The following ESRRG variants were observed in gnomAD, a reference collection of about 807,000 sequenced individuals.
ESRRG encodes the protein estrogen related receptor gamma, also known as estrogen-related receptor gamma.
ESRRG carries 13 observed loss-of-function variants against 44.0 expected under a neutral mutation model. The observed-to-expected ratio is 0.30, with a 90% CI of 0.19 to 0.47. The LOEUF (loss-of-function observed/expected upper bound fraction) is 0.47, where lower values mean the gene tolerates loss of function less well. Ranked by LOEUF, ESRRG falls within the 20% of genes least tolerant of loss-of-function variation. The pLI is 1.00. For synonymous variants in ESRRG, 215 were observed against 214.6 expected, an observed-to-expected ratio of 1.00 and a Z score of -0.02; for missense variants, 395 against 580.6, an observed-to-expected ratio of 0.68 and a Z score of 3.29.
At chr1:216,620,024 A>C (rs1256892337) in intron 3 of ESRRG, among the ~76,000 whole-genome samples, 1 of 152,160 alleles carries the variant, frequency 6.6e-6, no homozygotes, top group Non-Finnish European at 1.5e-5. Context: ...GTTATTAGGT[A>C]CTAAAAATCT....
intron 1 of ESRRG, among the ~76,000 whole-genome samples, chr1:217,014,775 T>G (rs2150835844): frequency 6.6e-6 from 1 of 152,312 alleles, no homozygotes; most frequent in Admixed American, 6.5e-5. Context: ...TATCTTAGAC[T>G]TAAGTTGGGT....
chr1:216,777,030 A>G (rs1187581774), intron 2 of ESRRG, among the ~76,000 whole-genome samples: 1 of 152,116 alleles, frequency 6.6e-6, no homozygotes, highest in Non-Finnish European at 1.5e-5. Flanking sequence ...TGTATCTATC[A>G]GTGTTCTGGA....
chr1:216,722,336 G>C (rs2086514991), intron 1 of ESRRG, among the ~76,000 whole-genome samples: 2 of 152,140 alleles, frequency 1.3e-5, no homozygotes, highest in Non-Finnish European at 2.9e-5. Context: ...TATCTTAACA[G>C]TAGGTTGAAA....
chr1:216,669,194 T>C (rs2074640723), intron 2 of ESRRG, among the ~76,000 whole-genome samples: 1 of 152,172 alleles, frequency 6.6e-6, no homozygotes, highest in Admixed American at 6.5e-5. Context: ...TTAAACTATT[T>C]AATTTATTAT....
chr1:216,896,698 A>C (rs4436447), intron 2 of ESRRG, among the ~76,000 whole-genome samples: 113,599 of 152,106 alleles, frequency 0.75, 43,651 homozygotes, highest in East Asian at 0.92. Context: ...TTCATGGTTG[A>C]TTAGAGCTGT....
At chr1:217,009,516 G>A (rs2078230528) in intron 1 of ESRRG, among the ~76,000 whole-genome samples, 1 of 151,938 alleles carries the variant, frequency 6.6e-6, no homozygotes, top group Non-Finnish European at 1.5e-5. Context: ...TATAAAACAA[G>A]CATAAAACTT....
chr1:216,793,515 T>C (rs1054980510), intron 2 of ESRRG, among the ~76,000 whole-genome samples: 46 of 152,242 alleles, frequency 3.0e-4, no homozygotes, highest in African/African-American at 1.1e-3. Context: ...TACAGCCACA[T>C]GAGGGAGCCT....
At chr1:216,745,225 C>A (rs1266945472) in intron 2 of ESRRG, among the ~76,000 whole-genome samples, 4 of 152,074 alleles carry the variant, frequency 2.6e-5, no homozygotes, top group Non-Finnish European at 5.9e-5. Context: ...GTGGCACAAC[C>A]ATGACACACT....
intron 1 of ESRRG, among the ~76,000 whole-genome samples, chr1:216,969,867 T>A (rs149414641): frequency 1.3e-5 from 2 of 152,208 alleles, no homozygotes; most frequent in African/African-American, 4.8e-5. Flanking sequence ...ATTACAGGCA[T>A]GAGCCACGGT....
intron 1 of ESRRG, among the ~76,000 whole-genome samples, chr1:216,984,018 C>T (rs540729808): frequency 8.0e-6 from 1 of 125,384 alleles, no homozygotes; most frequent in South Asian, 2.6e-4. Context: ...GGTCATGGTG[C>T]TGGGAGAGGG....
At chr1:216,973,697 A>G (rs1035175637) in intron 1 of ESRRG, among the ~76,000 whole-genome samples, 1 of 152,008 alleles carries the variant, frequency 6.6e-6, no homozygotes, top group Non-Finnish European at 1.5e-5. Context: ...GTGGCGGTAC[A>G]TGGTTTTAAT....
intron 1 of ESRRG, among the ~76,000 whole-genome samples, chr1:216,704,625 A>T (rs2082096975): frequency 1.3e-5 from 2 of 152,354 alleles, no homozygotes; most frequent in Admixed American, 6.5e-5. Flanking sequence ...AATATTAAAA[A>T]AAAATTCTCT....
At chr1:216,977,495 T>C (rs1578958324) in intron 1 of ESRRG, among the ~76,000 whole-genome samples, 2 of 152,130 alleles carry the variant, frequency 1.3e-5, no homozygotes, top group Admixed American at 6.6e-5. Context: ...CCCTTCTACA[T>C]AGAATGTGAG....
At chr1:216,826,047 A>C (rs2095387645) in intron 2 of ESRRG, among the ~76,000 whole-genome samples, 1 of 152,118 alleles carries the variant, frequency 6.6e-6, no homozygotes, top group Non-Finnish European at 1.5e-5. Context: ...TTGCTAACAA[A>C]ACTAGAGGAG....
Position 216,677,185 on chromosome 1 carries a change from G to A in ESRRG, c.363C>T (p.Asn121=). 6.2e-7 allele frequency: 1 copy of A among 1,614,144 alleles called. No homozygotes were observed. The highest frequency in any genetic ancestry group is 1.7e-5 in the Admixed American group (1 of 60,030). Residue 121 remains asparagine (N), a synonymous_variant, in exon 2 of 7, where the codon AAC becomes AAT. Transcript: ENST00000408911. The stretch of plus-strand genomic sequence containing the variant: ...CTAAACACAGTCTCTTGGGCATCGA[G>A]TTGAGCATGTATTCACACTTGGTCT... ...DPQTKCEYML[N]SMPKRLCLVC...
intron 1 of ESRRG, among the ~76,000 whole-genome samples, chr1:216,687,120 T>G (rs1166848837): frequency 6.6e-6 from 1 of 151,956 alleles, no homozygotes; most frequent in East Asian, 1.9e-4. Context: ...ACTTGCTACA[T>G]AACAATGAAA....
chr1:216,630,497 G>C (rs11117637), intron 3 of ESRRG, among the ~76,000 whole-genome samples: 2 of 151,472 alleles, frequency 1.3e-5, no homozygotes, highest in African/African-American at 2.4e-5. Context: ...ATAGGAAAAG[G>C]CGTCTACCTC....
At chr1:216,625,488 G>T (rs1414530) in intron 3 of ESRRG, among the ~76,000 whole-genome samples, 1 of 149,670 alleles carries the variant, frequency 6.7e-6, no homozygotes, top group Non-Finnish European at 1.5e-5. Flanking sequence ...TTATAATAAC[G>T]TCTTGCTTTT....
intron 2 of ESRRG, among the ~76,000 whole-genome samples, chr1:216,913,909 G>A (rs2060807406): frequency 6.6e-6 from 1 of 152,130 alleles, no homozygotes. Flanking sequence ...GTTATATCTA[G>A]GGGAATTAGG....
Sources: gnomAD v4.1 joint callset for allele counts (sites outside exome capture counted in the v4.1 genomes callset) on GRCh38, gnomAD v4.1.1 for gene constraint, MANE v1.5 for transcripts, NCBI Gene and HGNC (gene_info 2026-07-23, HGNC 2026-07-21) for gene names.